ADAMTSL1: variants seen among roughly 807,000 people sequenced by gnomAD.
The protein encoded by ADAMTSL1 is ADAMTS-like protein 1.
Under a neutral mutation model 201.8 loss-of-function variants are expected in ADAMTSL1, and 126 were observed. That is an observed-to-expected ratio of 0.62 (90% CI 0.54 to 0.72). The LOEUF is 0.72. ADAMTSL1 is among the 30% of genes least tolerant of loss of function. ADAMTSL1 has a pLI of 0.00. For missense variants in ADAMTSL1, 2,679 were observed against 2,277.8 expected (o/e 1.18, Z -3.59); for synonymous variants, 1,121 against 903.4 (o/e 1.24, Z -4.32).
chr9:18,669,225 G>A (rs1472939173), intron 9 of ADAMTSL1, among the ~76,000 whole-genome samples: 6 of 152,172 alleles, frequency 3.9e-5, no homozygotes, highest in African/African-American at 1.2e-4. Flanking sequence ...AAATACTGAC[G>A]TTTACTCAAA....
chr9:18,790,758 C>T (rs867452423), intron 19 of ADAMTSL1, among the ~76,000 whole-genome samples: 91 of 151,988 alleles, frequency 6.0e-4, no homozygotes, highest in African/African-American at 2.0e-3. Context: ...AAAACAAAAC[C>T]GCTCCTTCAT....
chr9:18,346,547 A>G (rs1835726468), intron 2 of ADAMTSL1, among the ~76,000 whole-genome samples: 3 of 152,162 alleles, frequency 2.0e-5, no homozygotes, highest in Non-Finnish European at 4.4e-5. Context: ...AAACCCTAGC[A>G]CTGTGCCTGG....
intron 1 of ADAMTSL1, among the ~76,000 whole-genome samples, chr9:18,487,974 C>T (rs1007364492): frequency 1.3e-5 from 2 of 152,120 alleles, no homozygotes; most frequent in Admixed American, 1.3e-4. Context: ...TAGTGAGTGG[C>T]ATTTTTAAAA....
chr9:18,600,490 A>C (rs1040586947), intron 4 of ADAMTSL1, among the ~76,000 whole-genome samples: 21 of 152,062 alleles, frequency 1.4e-4, no homozygotes, highest in African/African-American at 5.1e-4. Context: ...CTCCTAGACA[A>C]CCCTCCCTGA....
chr9:18,109,266 G>T (rs535585009), intron 1 of ADAMTSL1, among the ~76,000 whole-genome samples: 23 of 152,118 alleles, frequency 1.5e-4, no homozygotes, highest in Non-Finnish European at 2.5e-4. Context: ...CTTCCTCATT[G>T]TAAGGAGACT....
intron 2 of ADAMTSL1, among the ~76,000 whole-genome samples, chr9:18,408,659 G>T (rs1818305266): frequency 6.6e-6 from 1 of 152,106 alleles, no homozygotes; most frequent in Admixed American, 6.5e-5. Context: ...ACAAAAGTAT[G>T]TTCAGTTCTG....
At chr9:18,369,379 G>A (rs1380942321) in intron 2 of ADAMTSL1, among the ~76,000 whole-genome samples, 1 of 152,172 alleles carries the variant, frequency 6.6e-6, no homozygotes, top group Non-Finnish European at 1.5e-5. Flanking sequence ...ATGATAAAGT[G>A]TTCAATATCA....
intron 3 of ADAMTSL1, among the ~76,000 whole-genome samples, chr9:18,572,339 C>CACACATATTTAT (rs1466944975): frequency 6.6e-6 from 1 of 152,074 alleles, no homozygotes; most frequent in African/African-American, 2.4e-5. Flanking sequence ...GCCTGTATAG[C>CACACATATTTAT]ACACATATTT....
chr9:18,417,884 A>G (rs1818755835), intron 2 of ADAMTSL1, among the ~76,000 whole-genome samples: 1 of 152,216 alleles, frequency 6.6e-6, no homozygotes, highest in Admixed American at 6.5e-5. Context: ...TAAAGCCAGA[A>G]TGAGGCTGAT....
chr9:17,973,955 G>A (rs1818327908), intron 1 of ADAMTSL1, among the ~76,000 whole-genome samples: 1 of 151,140 alleles, frequency 6.6e-6, no homozygotes, highest in Admixed American at 6.6e-5. Flanking sequence ...CTCATGATTT[G>A]GCTCTCTGTT....
At chr9:18,197,860 C>A (rs966441202) in intron 2 of ADAMTSL1, among the ~76,000 whole-genome samples, 1 of 151,940 alleles carries the variant, frequency 6.6e-6, no homozygotes, top group African/African-American at 2.4e-5. Flanking sequence ...TCAAACTATA[C>A]TACAAGGCTA....
chr9:18,825,309 G>T (rs889243225), intron 21 of ADAMTSL1, among the ~76,000 whole-genome samples: 1 of 152,162 alleles, frequency 6.6e-6, no homozygotes, highest in Non-Finnish European at 1.5e-5. Flanking sequence ...TCCAAAGAGA[G>T]AGCCCATCCC....
chr9:18,069,022 T>C (rs1366007887), intron 1 of ADAMTSL1, among the ~76,000 whole-genome samples: 2 of 152,108 alleles, frequency 1.3e-5, no homozygotes, highest in East Asian at 3.9e-4. Flanking sequence ...CAGAACAGCA[T>C]GTGTAAAGAC....
At chr9:18,278,618 A>G (rs1832674428) in intron 2 of ADAMTSL1, among the ~76,000 whole-genome samples, 1 of 151,506 alleles carries the variant, frequency 6.6e-6, no homozygotes, top group Non-Finnish European at 1.5e-5. Context: ...ATTTAATTAT[A>G]CTCTGTTTCA....
chr9:18,513,686 T>A (rs986890363), intron 2 of ADAMTSL1, among the ~76,000 whole-genome samples: 1 of 152,200 alleles, frequency 6.6e-6, no homozygotes, highest in Non-Finnish European at 1.5e-5. Flanking sequence ...GAAATTTTGA[T>A]AGCAATTTTA....
chr9:18,731,564 A>C (rs1818217318), intron 15 of ADAMTSL1, among the ~76,000 whole-genome samples: 1 of 152,178 alleles, frequency 6.6e-6, no homozygotes, highest in African/African-American at 2.4e-5. Flanking sequence ...TCAGGAGGTC[A>C]AGGCTGCAGT....
intron 1 of ADAMTSL1, among the ~76,000 whole-genome samples, chr9:18,071,221 T>C (rs1008447252): frequency 2.0e-5 from 3 of 152,236 alleles, no homozygotes; most frequent in Non-Finnish European, 4.4e-5. Flanking sequence ...GAGCAGGCTC[T>C]AGAACTATAA....
At chr9:17,965,255 T>C (rs975530732) in intron 1 of ADAMTSL1, among the ~76,000 whole-genome samples, 10 of 152,168 alleles carry the variant, frequency 6.6e-5, no homozygotes, top group African/African-American at 2.4e-4. Context: ...GAAAATAGTT[T>C]TATACCAGAA....
intron 1 of ADAMTSL1, among the ~76,000 whole-genome samples, chr9:17,945,139 TC>T (rs1335150715): frequency 8.0e-6 from 1 of 125,132 alleles, no homozygotes; most frequent in Non-Finnish European, 1.7e-5. Flanking sequence ...AACAACCCCA[TC>T]AAAAAGTGGG....
Sources: allele counts gnomAD v4.1 joint callset (sites outside exome capture counted in the v4.1 genomes callset), GRCh38; gene constraint gnomAD v4.1.1; transcripts MANE v1.5; gene names NCBI Gene and HGNC (gene_info 2026-07-23, HGNC 2026-07-21).